NAA50: variants seen among roughly 807,000 people sequenced by gnomAD.
NAA50 encodes the protein N-alpha-acetyltransferase 50, NatE catalytic subunit.
Under a neutral mutation model 20.7 loss-of-function variants are expected in NAA50, and 7 were observed. That is an observed-to-expected ratio of 0.34 (90% CI 0.19 to 0.63). NAA50 has a LOEUF of 0.63. Ranked by LOEUF, NAA50 falls within the 30% of genes least tolerant of loss-of-function variation. The probability of loss-of-function intolerance (pLI) is 0.75; values close to 1 mark genes in which losing one functional copy is unlikely to be tolerated. For missense variants in NAA50, 111 were observed against 199.1 expected, an observed-to-expected ratio of 0.56 and a Z score of 2.66; for synonymous variants, 54 against 70.6, an observed-to-expected ratio of 0.77 and a Z score of 1.18.
At chr3:113,729,696 C>T (rs1559739240) in intron 1 of NAA50, among the ~76,000 whole-genome samples, 1 of 151,950 alleles carries the variant, frequency 6.6e-6, no homozygotes, top group Non-Finnish European at 1.5e-5. Flanking sequence ...ATGCATGCCA[C>T]CACTTTCAGC....
At chr3:113,723,713 T>C (rs1353110000) in intron 2 of NAA50, 172 bp from the exon 3 acceptor site, 1 of 849,858 alleles carries the variant, frequency 1.2e-6, no homozygotes, top group Admixed American at 3.2e-5. Flanking sequence ...AAGCCTCCTC[T>C]AGAGTATAGC....
chr3:113,723,520 A>C lies in NAA50; in HGVS notation c.167T>G (p.Val56Gly). The change falls in exon 3 of 5, where the codon GTA becomes GGA. Residue 56 changes from valine to glycine, a missense_variant. Coordinates refer to ENST00000240922, the MANE Select transcript of NAA50 (RefSeq NM_025146.4). ...ATCCACCCTACAGCATACTGCACCTACAGCAATATCATTGAAATAGGCTGC... is the reference window on the plus strand; with the variant it reads ...ATCCACCCTACAGCATACTGCACCTCCAGCAATATCATTGAAATAGGCTGC... ...AKLAYFNDIA[V>G]GAVCCRVDHS... 1 of 1,607,212 alleles carries C rather than the reference A, an allele frequency of 6.2e-7. No individual in the cohort carries two copies. The highest frequency in any genetic ancestry group is 1.3e-5 in the African/African-American group (1 of 74,790).
rs1345871651 is a variant in NAA50 at position 113,717,551 on chromosome 3, T to C, written c.*4209A>G. The C allele has an allele frequency of 2.0e-5, 3 of 152,176 alleles. No individual in the cohort carries two copies. The highest frequency in any genetic ancestry group is 2.9e-5 in the Non-Finnish European group (2 of 68,032). 9.4% of individuals were successfully genotyped at this position (152,176 alleles called of 1,614,324 possible). On this transcript the variant is annotated 3_prime_UTR_variant, in exon 5 of 5. Coordinates refer to ENST00000240922, the MANE Select transcript of NAA50 (RefSeq NM_025146.4). ...GCTGTATCATAAACTAGGACTAAGTTCCTACAGTTCAGTCTTGCAAGGGAG... is the reference window on the plus strand; with the variant it reads ...GCTGTATCATAAACTAGGACTAAGTCCCTACAGTTCAGTCTTGCAAGGGAG...
intron 1 of NAA50, among the ~76,000 whole-genome samples, chr3:113,733,810 G>A (rs1279427264): frequency 2.4e-5 from 3 of 125,378 alleles, no homozygotes; most frequent in East Asian, 2.5e-4. Flanking sequence ...CTGAGATCAC[G>A]ATGCTGCACT....
chr3:113,733,642 G>A (rs369976664), intron 1 of NAA50, among the ~76,000 whole-genome samples: 105 of 151,900 alleles, frequency 6.9e-4, no homozygotes, highest in African/African-American at 2.4e-3. Context: ...ACCTGAGTTA[G>A]GGAGTTTAAG....
At position 113,719,166 on chromosome 3, in the gene NAA50, TTC is replaced by T. The variant is rs1708100520; in HGVS notation, c.*2592_*2593del. 6.6e-6 allele frequency: 1 copy of T among 152,634 alleles called. No homozygotes were observed. The highest frequency in any genetic ancestry group is 2.4e-5 in the African/African-American group (1 of 41,470). The allele number at this position is 152,634 out of a possible 1,614,324, so 9.5% of individuals were successfully genotyped here. A position where few individuals can be genotyped will look rare whatever the true frequency, so the allele number is the denominator to read the frequency against. ...CCACCACACCATGGTTTCCCAATAG[TTC>T]TCTTTTTGGAGGACTTTTCAATTGA... On this transcript the variant is annotated 3_prime_UTR_variant, in exon 5 of 5. Transcript: ENST00000240922.
chr3:113,736,187 C>G (rs1376442963), intron 1 of NAA50, among the ~76,000 whole-genome samples: 2 of 152,288 alleles, frequency 1.3e-5, no homozygotes, highest in African/African-American at 4.8e-5. Flanking sequence ...CACTAAATTA[C>G]TCTCTCAGCT....
chr3:113,737,047 A>C (rs1708353136), intron 1 of NAA50, among the ~76,000 whole-genome samples: 1 of 152,210 alleles, frequency 6.6e-6, no homozygotes, highest in Admixed American at 6.5e-5. Flanking sequence ...ACCTATAGTT[A>C]TACAGACAGT....
chr3:113,728,655 G>A (rs909600512), intron 1 of NAA50, among the ~76,000 whole-genome samples: 5 of 152,122 alleles, frequency 3.3e-5, no homozygotes, highest in African/African-American at 9.7e-5. Flanking sequence ...GTATATGGAC[G>A]CATTTGGTTA....
At position 113,720,131 on chromosome 3, in the gene NAA50, T is replaced by C. The variant is rs1289511776; in HGVS notation, c.*1629A>G. On this transcript the variant is annotated 3_prime_UTR_variant, in exon 5 of 5. Coordinates refer to ENST00000240922, the MANE Select transcript of NAA50 (RefSeq NM_025146.4). ...TCATCAACTGTCTTCTTTTTCTGTA[T>C]TATTCTTGGCACTCAAGATTGTTGA... The C allele has an allele frequency of 6.6e-6, 1 of 152,656 alleles. No homozygotes were observed. Among genetic ancestry groups the C allele is most frequent in the East Asian group, 1.9e-4 (1 of 5,206 alleles). The allele number at this position is 152,656 out of a possible 1,614,324, so 9.5% of individuals were successfully genotyped here.
chr3:113,744,781 A>G (rs1708466451), intron 1 of NAA50, among the ~76,000 whole-genome samples: 1 of 152,264 alleles, frequency 6.6e-6, no homozygotes, highest in Non-Finnish European at 1.5e-5. Context: ...AACATGTTAC[A>G]GACCTAAGAC....
Position 113,718,338 on chromosome 3 carries a change from T to A in NAA50, c.*3422A>T, listed in dbSNP as rs1708088566. The A allele has an allele frequency of 1.3e-5, 2 of 152,202 alleles. No homozygotes were observed. Among genetic ancestry groups the A allele is most frequent in the South Asian group, 4.1e-4 (2 of 4,830 alleles). The allele number at this position is 152,202 out of a possible 1,614,324, so 9.4% of individuals were successfully genotyped here. ...ACAGCTTGACTGCAACCTTCTGAGA[T>A]CTCAAGACAGAACCACCCAGTTAAG... On this transcript the variant is annotated 3_prime_UTR_variant, in exon 5 of 5. Coordinates refer to ENST00000240922, the MANE Select transcript of NAA50 (RefSeq NM_025146.4).
chr3:113,728,434 A>C (rs929863682), intron 1 of NAA50, among the ~76,000 whole-genome samples: 2 of 152,228 alleles, frequency 1.3e-5, no homozygotes, highest in African/African-American at 4.8e-5. Context: ...CATATAGTAC[A>C]AAAATAATAC....
At position 113,742,017 on chromosome 3, in the gene NAA50, C is replaced by T. The variant is rs1436753287; in HGVS notation, c.8+3925G>A. 3.3e-5 allele frequency among the ~76,000 whole-genome samples: 5 copies of T among 151,982 alleles called. No individual in the cohort carries two copies. In the East Asian group the frequency reaches 9.6e-4, roughly 29 times the overall value. On this transcript the variant is annotated intron_variant, in intron 1 of 4. Transcript: ENST00000240922. The stretch of plus-strand genomic sequence containing the variant: ...TTCTTTTATATTAGAGAGAACAGTA[C>T]ATTGATTTTTTAAAAAAACTTATGG...
In NAA50 at chr3:113,717,483, A is replaced by C. The variant is rs946741032; in HGVS notation, c.*4277T>G. The C allele has an allele frequency of 6.6e-6, 1 of 152,214 alleles. No homozygotes were observed. The highest frequency in any genetic ancestry group is 2.4e-5 in the African/African-American group (1 of 41,462). 9.4% of individuals were successfully genotyped at this position (152,214 alleles called of 1,614,324 possible). ...TACCAAGTTAACAACACACATTAAG[A>C]AATCTGACTCAAGCTCTTTTTCCCA... is the stretch of plus-strand genomic sequence containing the variant. On this transcript the variant is annotated 3_prime_UTR_variant, in exon 5 of 5. Transcript: ENST00000240922.
Position 113,721,669 on chromosome 3 carries a change from TAAAAG to T in NAA50, c.*86_*90del. ...CAAGAACAAGGAGGGAGAAAAGCTT[TAAAAG>T]AAAAGTGTTGGGGTGGGGGAGGAAT... On this transcript the variant is annotated 3_prime_UTR_variant, in exon 5 of 5. Transcript: ENST00000240922. 3 of 1,375,324 alleles carry T rather than the reference TAAAAG, an allele frequency of 2.2e-6. No individual in the cohort carries two copies. The highest frequency in any genetic ancestry group is 2.3e-5 in the East Asian group (1 of 43,524). 85.2% of individuals were successfully genotyped at this position (1,375,324 alleles called of 1,614,324 possible). A position where few individuals can be genotyped will look rare whatever the true frequency, so the allele number is the denominator to read the frequency against.
chr3:113,731,477 G>C (rs1371109523), intron 1 of NAA50, among the ~76,000 whole-genome samples: 3 of 151,748 alleles, frequency 2.0e-5, no homozygotes, highest in Non-Finnish European at 2.9e-5. Context: ...CAGCCTTCTT[G>C]AGGTATAATT....
At position 113,721,431 on chromosome 3, in the gene NAA50, C is replaced by A; in HGVS notation, c.*329G>T. ...TATACAATGTTTTGTAGGCTCTGCC[C>A]TTCAATGTGAAAGCAGGACATTAAA... On this transcript the variant is annotated 3_prime_UTR_variant, in exon 5 of 5. Coordinates refer to ENST00000240922, the MANE Select transcript of NAA50 (RefSeq NM_025146.4). 1 of 296,500 alleles carries A rather than the reference C, an allele frequency of 3.4e-6. No individual in the cohort carries two copies. Among genetic ancestry groups the A allele is most frequent in the South Asian group, 3.9e-5 (1 of 25,366 alleles). The allele number at this position is 296,500 out of a possible 1,614,324, so 18.4% of individuals were successfully genotyped here. A position where few individuals can be genotyped will look rare whatever the true frequency, so the allele number is the denominator to read the frequency against.
At chr3:113,731,410 C>A (rs558716119) in intron 1 of NAA50, among the ~76,000 whole-genome samples, 1 of 152,124 alleles carries the variant, frequency 6.6e-6, no homozygotes, top group East Asian at 1.9e-4. Flanking sequence ...AGACATTTTA[C>A]ATTTAGGTGT....
Sources: gnomAD v4.1 joint callset for allele counts (sites outside exome capture counted in the v4.1 genomes callset) on GRCh38, gnomAD v4.1.1 for gene constraint, MANE v1.5 for transcripts, NCBI Gene and HGNC (gene_info 2026-07-23, HGNC 2026-07-21) for gene names.